Variants in STON2 observed in about 807,000 individuals in gnomAD.
STON2 encodes stonin 2.
STON2 carries 29 observed loss-of-function variants against 65.7 expected under a neutral mutation model. The observed-to-expected ratio is 0.44, with a 90% CI of 0.33 to 0.60. The LOEUF (loss-of-function observed/expected upper bound fraction) is 0.60, where lower values mean the gene tolerates loss of function less well. Among genes scored for constraint, STON2 ranks in the 20% least tolerant of loss-of-function variants. The pLI, the probability that STON2 is intolerant of heterozygous loss-of-function variation, is 0.03. For missense variants in STON2, 1,054 were observed against 1,118.1 expected (o/e 0.94, Z 0.82); for synonymous variants, 404 against 414.2 (o/e 0.98, Z 0.30).
intron 5 of STON2, among the ~76,000 whole-genome samples, chr14:81,304,430 G>A (rs564494415): frequency 3.3e-5 from 5 of 152,230 alleles, no homozygotes; most frequent in African/African-American, 1.2e-4. Flanking sequence ...CGCTGTTAGA[G>A]ATGGAATCAG....
intron 3 of STON2, among the ~76,000 whole-genome samples, chr14:81,378,153 T>A (rs80296303): frequency 6.6e-6 from 1 of 150,780 alleles, no homozygotes; most frequent in Non-Finnish European, 1.5e-5. Flanking sequence ...GCCTAGCCCA[T>A]TTTTTTAATG....
chr14:81,270,989 CAG>C, intron 6 of STON2, 117 bp from the exon 7 acceptor site: 4 of 1,371,296 alleles, frequency 2.9e-6, no homozygotes, highest in Non-Finnish European at 3.9e-6. Flanking sequence ...GGCAGCCTTT[CAG>C]AGGGTCCAGT....
At chr14:81,399,119 A>T (rs1370708915) in intron 1 of STON2, among the ~76,000 whole-genome samples, 2 of 152,228 alleles carry the variant, frequency 1.3e-5, no homozygotes, top group East Asian at 3.8e-4. Context: ...CATTTGGAGT[A>T]AGAGGATAGG....
chr14:81,265,299 C>T lies in STON2; in HGVS notation c.*3115G>A, dbSNP rs1238996705. The T allele has an allele frequency of 1.0e-6, 1 of 984,064 alleles. No individual in the cohort carries two copies. Among genetic ancestry groups the T allele is most frequent in the African/African-American group, 1.7e-5 (1 of 57,164 alleles). The allele number at this position is 984,064 out of a possible 1,614,324, so 61.0% of individuals were successfully genotyped here. The stretch of plus-strand genomic sequence containing the variant: ...CTAAATGCTACCCATAATCAGTTTC[C>T]TAAAAACAGTAGAGGGAAAACAAAT... On this transcript the variant is annotated 3_prime_UTR_variant, in exon 8 of 8. Transcript: ENST00000614646.
chr14:81,351,246 T>C (rs1008745564), intron 4 of STON2, among the ~76,000 whole-genome samples: 3 of 147,936 alleles, frequency 2.0e-5, no homozygotes, highest in Admixed American at 7.0e-5. Context: ...AAATGGGAAA[T>C]GTAGCTTTAC....
At chr14:81,400,823 C>T (rs1247578374), upstream of STON2, among the ~76,000 whole-genome samples, 1 of 152,076 alleles carries the variant, frequency 6.6e-6, no homozygotes, top group Admixed American at 6.6e-5. Context: ...GTCGTGGACT[C>T]ATAACTCAAC....
chr14:81,336,304 G>T (rs1897369236), intron 4 of STON2, among the ~76,000 whole-genome samples: 1 of 152,016 alleles, frequency 6.6e-6, no homozygotes, highest in Non-Finnish European at 1.5e-5. Flanking sequence ...GGTAGGGTGG[G>T]TATCCTTGTT....
rs1327966642 is a variant in STON2 at position 81,424,609 on chromosome 14, A to C, written c.-199+2493T>G. ...TGCATTTCTTCAACTTCTCAGGGAC[A>C]CTTCCATTGTTTAAGGGTAAGGCAT... On this transcript the variant is annotated intron_variant, in intron 2 of 8. Coordinates refer to the STON2 transcript ENST00000553821. Among the ~76,000 whole-genome samples the C allele has an allele frequency of 5.3e-5, 8 of 152,200 alleles. No individual in the cohort carries two copies. In the East Asian group the frequency reaches 1.2e-3, roughly 22 times the overall value.
At chr14:81,393,988 C>T (rs756895034) in intron 3 of STON2, among the ~76,000 whole-genome samples, 11 of 152,264 alleles carry the variant, frequency 7.2e-5, no homozygotes, top group South Asian at 2.1e-4. Context: ...TCAAGGAGTT[C>T]GAAACCAGCC....
intron 4 of STON2, among the ~76,000 whole-genome samples, chr14:81,368,452 G>A (rs1898836615): frequency 6.6e-6 from 1 of 152,166 alleles, no homozygotes; most frequent in Non-Finnish European, 1.5e-5. Flanking sequence ...GGTGGCTCAC[G>A]CTTGTAATCC....
Position 81,278,285 on chromosome 14 carries a change from G to A in STON2, c.1197C>T (p.Ser399=), listed in dbSNP as rs1234725985. 2 of 1,614,034 alleles carry A rather than the reference G, an allele frequency of 1.2e-6. No individual in the cohort carries two copies. Among genetic ancestry groups the A allele is most frequent in the Admixed American group, 3.3e-5 (2 of 59,994 alleles). The change falls in exon 6 of 8, where the codon TCC becomes TCT. Residue 399 remains serine, a synonymous_variant. Transcript: ENST00000614646. ...TGGTACTGGAAATGGAACTGTTTTG[G>A]GAGCGCCTCTCCTGCTCCTCAAAGA... The part of the protein sequence containing the change: ...SAFFEEQERR[S]QNSSISSTTG...
chr14:81,435,962 G>T (rs1331115647), intron 1 of STON2: 1 of 152,252 alleles, frequency 6.6e-6, no homozygotes, highest in Admixed American at 6.5e-5. Flanking sequence ...AGGGACACCT[G>T]TTGTCGCCTC....
intron 7 of STON2, chr14:81,270,312 T>C (rs1181467896): frequency 1.5e-5 from 16 of 1,066,936 alleles, no homozygotes; most frequent in Non-Finnish European, 1.7e-5. Flanking sequence ...CTTGAACTCC[T>C]GAACTCAAGT....
chr14:81,405,949 C>T (rs1048698312), intron 2 of STON2, among the ~76,000 whole-genome samples: 8 of 152,190 alleles, frequency 5.3e-5, no homozygotes, highest in Non-Finnish European at 1.2e-4. Flanking sequence ...TAGAATAAAG[C>T]AGGCAGAAGA....
At chr14:81,340,772 C>T (rs1355940689) in intron 4 of STON2, among the ~76,000 whole-genome samples, 1 of 152,058 alleles carries the variant, frequency 6.6e-6, no homozygotes, top group East Asian at 1.9e-4. Context: ...ATGAACTAGG[C>T]TGAGTCACTG....
chr14:81,391,137 TATG>T (rs1210510749), intron 3 of STON2, among the ~76,000 whole-genome samples: 1 of 152,182 alleles, frequency 6.6e-6, no homozygotes, highest in Admixed American at 6.5e-5. Flanking sequence ...TTTTCCCAAA[TATG>T]ATAATATTTA....
At chr14:81,405,316 TTC>T (rs1900793854), upstream of STON2, among the ~76,000 whole-genome samples, 1 of 152,130 alleles carries the variant, frequency 6.6e-6, no homozygotes, top group Non-Finnish European at 1.5e-5. Flanking sequence ...ATTTTACAGT[TTC>T]TATTTCTTTG....
chr14:81,281,895 A>G (rs182242605), intron 5 of STON2, among the ~76,000 whole-genome samples: 2 of 152,208 alleles, frequency 1.3e-5, no homozygotes, highest in Non-Finnish European at 2.9e-5. Context: ...AAAAATATCA[A>G]AAGACTTTGT....
intron 3 of STON2, among the ~76,000 whole-genome samples, chr14:81,392,491 CA>C (rs1227233423): frequency 6.6e-6 from 1 of 152,172 alleles, no homozygotes; most frequent in Admixed American, 6.5e-5. Context: ...ACAAGGACCC[CA>C]TCTTTAGCTG....
Sources: gnomAD v4.1 joint callset for allele counts (sites outside exome capture counted in the v4.1 genomes callset) on GRCh38, gnomAD v4.1.1 for gene constraint, MANE v1.5 for transcripts, NCBI Gene and HGNC (gene_info 2026-07-23, HGNC 2026-07-21) for gene names.